The following MAP4 variants were observed in gnomAD, a reference collection of about 807,000 sequenced individuals.
MAP4 encodes microtubule associated protein 4, also known as microtubule-associated protein 4.
Under a neutral mutation model 170.2 loss-of-function variants are expected in MAP4, and 76 were observed. That is an observed-to-expected ratio of 0.45 (90% CI 0.37 to 0.54). The LOEUF (loss-of-function observed/expected upper bound fraction) is 0.54, where lower values mean the gene tolerates loss of function less well. MAP4 is among the 20% of genes least tolerant of loss of function. The pLI is 0.00. For missense variants in MAP4, 2,506 were observed against 2,748.0 expected (o/e 0.91, Z 1.97); for synonymous variants, 909 against 994.5 (o/e 0.91, Z 1.62).
chr3:47,948,978 T>C (rs574019826), intron 3 of MAP4, among the ~76,000 whole-genome samples: 39 of 152,274 alleles, frequency 2.6e-4, no homozygotes, highest in Non-Finnish European at 4.7e-4. Flanking sequence ...CACTCAGAAT[T>C]CTACATTAAT....
rs1418453767 is a variant in MAP4 at position 47,855,618 on chromosome 3, C to T, written c.6584-258G>A. The stretch of plus-strand genomic sequence containing the variant: ...CTTCCACCACCCCATGCCACAGCCA[C>T]TGAGCTGCAGGCCAGGCTTGGGCAG... On this transcript the variant is annotated intron_variant, in intron 18 of 20. Coordinates refer to ENST00000683076, the MANE Select transcript of MAP4 (RefSeq NM_001385682.1). This position sits in a 1 kb window ranked among gnomAD's most constrained non-coding sequence, Gnocchi z 5.1. Among the ~76,000 whole-genome samples the T allele has an allele frequency of 6.6e-6, 1 of 152,236 alleles. No homozygotes were observed. Among genetic ancestry groups the T allele is most frequent in the African/African-American group, 2.4e-5 (1 of 41,466 alleles).
chr3:48,054,981 G>A (rs1196500233), intron 1 of MAP4, among the ~76,000 whole-genome samples: 3 of 152,116 alleles, frequency 2.0e-5, no homozygotes, highest in African/African-American at 7.2e-5. Flanking sequence ...CAAAGGCCAA[G>A]TGGGGAGCCT....
intron 9 of MAP4, among the ~76,000 whole-genome samples, chr3:47,903,267 C>T (rs2100031097): frequency 6.6e-6 from 1 of 152,200 alleles, no homozygotes; most frequent in South Asian, 2.1e-4. Context: ...GGTGCGGTGG[C>T]TCACCCTTGT....
intron 5 of MAP4, 76 bp from the exon 6 acceptor site, chr3:47,918,917 G>C (rs1216041904): frequency 1.6e-6 from 2 of 1,222,722 alleles, no homozygotes; most frequent in Non-Finnish European, 2.3e-6. Flanking sequence ...ATATATTTTT[G>C]TTTTGTTTTG....
chr3:47,964,099 A>G (rs887391355), intron 3 of MAP4, among the ~76,000 whole-genome samples: 2 of 152,220 alleles, frequency 1.3e-5, no homozygotes, highest in African/African-American at 4.8e-5. Context: ...AAAGATGACA[A>G]CGACATCATA....
intron 8 of MAP4, 118 bp from the exon 9 acceptor site, chr3:47,912,539 A>C: frequency 1.2e-6 from 1 of 828,548 alleles, no homozygotes; most frequent in Non-Finnish European, 1.8e-6. Context: ...ATTTTCACTA[A>C]TACATATAGT....
intron 3 of MAP4, among the ~76,000 whole-genome samples, chr3:47,948,862 C>T (rs2100061819): frequency 6.6e-6 from 1 of 152,064 alleles, no homozygotes; most frequent in Admixed American, 6.6e-5. Context: ...ACCTCATTAT[C>T]CACCTGCCTT....
chr3:47,962,358 A>G (rs760601673), intron 3 of MAP4, among the ~76,000 whole-genome samples: 26 of 152,176 alleles, frequency 1.7e-4, no homozygotes, highest in Non-Finnish European at 3.5e-4. Flanking sequence ...TGTTTGCCCC[A>G]CATCACCCTG....
intron 10 of MAP4, chr3:47,891,401 G>C: frequency 1.3e-6 from 2 of 1,536,004 alleles, no homozygotes; most frequent in Non-Finnish European, 1.7e-6. Context: ...GTAGCTAGCT[G>C]TCTGTTCCTC....
At chr3:48,050,023 G>A (rs1443398944) in intron 1 of MAP4, among the ~76,000 whole-genome samples, 1 of 151,622 alleles carries the variant, frequency 6.6e-6, no homozygotes, top group African/African-American at 2.4e-5. Flanking sequence ...AATTTGGGAG[G>A]CCAAGGCGGG....
intron 1 of MAP4, among the ~76,000 whole-genome samples, chr3:48,076,703 G>A (rs12486033): frequency 0.29 from 43,604 of 151,550 alleles, 7,927 homozygotes; most frequent in Non-Finnish European, 0.37. Flanking sequence ...ACGAACGAAC[G>A]AAAGAACAAA....
intron 3 of MAP4, among the ~76,000 whole-genome samples, chr3:47,963,801 T>C (rs1035012999): frequency 1.3e-5 from 2 of 152,108 alleles, no homozygotes; most frequent in Admixed American, 6.5e-5. Context: ...AAGTAAACTA[T>C]ACAAATTATT....
At chr3:47,923,116 T>C (rs1411280313) in intron 4 of MAP4, among the ~76,000 whole-genome samples, 2 of 152,028 alleles carry the variant, frequency 1.3e-5, no homozygotes, top group African/African-American at 4.8e-5. Context: ...AGAGGCCTTC[T>C]TGGAATTTAT....
rs1371815238 is a variant in MAP4, at chr3:47,876,128, TTTTC to T, written c.5542-232_5542-229del. On this transcript the variant is annotated intron_variant, in intron 11 of 20. Transcript: ENST00000683076. ...AAAATGGGGAATAGTTTCTTTTTCTTTTTCTTTCTTTTTTTTTTTTTTTGAGATG... is the reference window on the plus strand; with the variant it reads ...AAAATGGGGAATAGTTTCTTTTTCTTTTTCTTTTTTTTTTTTTTTGAGATG... 2.2e-3 allele frequency among the ~76,000 whole-genome samples: 272 copies of T among 123,660 alleles called. 5 individuals are homozygous for T. Among genetic ancestry groups the T allele is most frequent in the African/African-American group, 8.6e-3 (245 of 28,522 alleles). The allele number at this position is 123,660 out of a possible 152,430, so 81.1% of individuals were successfully genotyped here. A position where few individuals can be genotyped will look rare whatever the true frequency, so the allele number is the denominator to read the frequency against.
rs74967588 is a variant in MAP4, at chr3:47,889,299, T to C, written c.5435-11776A>G. On this transcript the variant is annotated intron_variant, in intron 10 of 20. Transcript: ENST00000683076. ...GCTGTCTAGGCTTCATATCTTTGTT[T>C]AATATGAGTTCCCTTGCCTGGAAGG... 2.5e-3 allele frequency among the ~76,000 whole-genome samples: 376 copies of C among 152,362 alleles called. 2 individuals are homozygous for C. The highest frequency in any genetic ancestry group is 8.8e-3 in the African/African-American group (366 of 41,582).
intron 2 of MAP4, among the ~76,000 whole-genome samples, chr3:47,981,083 A>C (rs7426976): frequency 0.63 from 95,383 of 152,050 alleles, 30,649 homozygotes; most frequent in East Asian, 0.73. Flanking sequence ...ATTTAGTTCA[A>C]AAAGAGACAT....
At chr3:47,907,100 G>A (rs910948180) in intron 9 of MAP4, among the ~76,000 whole-genome samples, 2 of 152,160 alleles carry the variant, frequency 1.3e-5, no homozygotes, top group African/African-American at 4.8e-5. Context: ...CTCCCAAAGT[G>A]CTGGGATTAT....
chr3:47,892,706 AAAGG>A lies in MAP4; in HGVS notation c.5434+10240_5434+10243del, dbSNP rs1175640811. 2.1e-5 allele frequency: 29 copies of A among 1,367,320 alleles called. No homozygotes were observed. In the African/African-American group the frequency reaches 3.8e-4, roughly 18 times the overall value. 84.7% of individuals were successfully genotyped at this position (1,367,320 alleles called of 1,614,324 possible). Reference sequence around the variant, plus strand: ...AAGGAAGAATGAATGAAAGCGAAAGAAAGGAAGGAACCTGCTGCTTTCTGCACAA... The same window carrying A: ...AAGGAAGAATGAATGAAAGCGAAAGAAAGGAACCTGCTGCTTTCTGCACAA... On this transcript the variant is annotated intron_variant, in intron 10 of 20. Coordinates refer to ENST00000683076, the MANE Select transcript of MAP4 (RefSeq NM_001385682.1).
At chr3:48,002,259 A>G (rs1407133854) in intron 1 of MAP4, among the ~76,000 whole-genome samples, 3 of 135,776 alleles carry the variant, frequency 2.2e-5, no homozygotes, top group African/African-American at 1.0e-4. Context: ...AAAAAAAAAG[A>G]AAAAAAAAAT....
Sources: gnomAD v4.1 joint callset for allele counts (sites outside exome capture counted in the v4.1 genomes callset) on GRCh38, gnomAD v4.1.1 for gene constraint, Gnocchi (gnomAD v3.1) non-coding constraint, MANE v1.5 for transcripts, NCBI Gene and HGNC (gene_info 2026-07-23, HGNC 2026-07-21) for gene names.